The following DPYD variants were observed in gnomAD, a reference collection of about 807,000 sequenced individuals.
DPYD encodes dihydropyrimidine dehydrogenase.
DPYD carries 109 observed loss-of-function variants against 116.2 expected under a neutral mutation model. The observed-to-expected ratio is 0.94, with a 90% confidence interval of 0.80 to 1.10. DPYD has a LOEUF of 1.10. Among genes scored for constraint, DPYD ranks in the 50% least tolerant of loss-of-function variants. The probability of loss-of-function intolerance (pLI) is 0.00; values close to 1 mark genes in which losing one functional copy is unlikely to be tolerated. For missense variants in DPYD, 1,302 were observed against 1,254.5 expected (o/e 1.04, Z -0.57); for synonymous variants, 440 against 432.0 (o/e 1.02, Z -0.23).
At chr1:97,181,394 T>C (rs975533608) in intron 20 of DPYD, among the ~76,000 whole-genome samples, 6 of 152,158 alleles carry the variant, frequency 3.9e-5, no homozygotes, top group Admixed American at 2.6e-4. Context: ...GCAACAGCAG[T>C]AGACACCTCC....
At chr1:97,132,166 T>C (rs893747169) in intron 20 of DPYD, among the ~76,000 whole-genome samples, 1 of 152,216 alleles carries the variant, frequency 6.6e-6, no homozygotes, top group African/African-American at 2.4e-5. Flanking sequence ...CTCATCAGAC[T>C]TTCCTACATC....
At chr1:97,692,632 G>A (rs907268578) in intron 6 of DPYD, among the ~76,000 whole-genome samples, 1 of 152,292 alleles carries the variant, frequency 6.6e-6, no homozygotes, top group African/African-American at 2.4e-5. Flanking sequence ...CAGTGTTTAC[G>A]AAGTGCCAGC....
At chr1:97,222,531 A>G (rs919927219) in intron 19 of DPYD, among the ~76,000 whole-genome samples, 1 of 152,148 alleles carries the variant, frequency 6.6e-6, no homozygotes, top group Non-Finnish European at 1.5e-5. Context: ...CTCTTTGCTT[A>G]TAAACAACAT....
rs550826058 is a variant in DPYD, at chr1:97,884,138, C to T, written c.40-764G>A. ...CTCTCAAACAGCTTACATTAATAGA[C>T]TAATATGGGGCAAAATATAAATCGA... is the stretch of plus-strand genomic sequence containing the variant. On this transcript the variant is annotated intron_variant, in intron 1 of 22. Transcript: ENST00000370192. Among the ~76,000 whole-genome samples the T allele has an allele frequency of 4.5e-4, 68 of 151,956 alleles. 1 individual carries two copies. The Middle Eastern group carries it at 0.01, about 23-fold the overall frequency.
intron 18 of DPYD, among the ~76,000 whole-genome samples, chr1:97,274,751 C>T (rs1270626962): frequency 6.6e-6 from 1 of 152,148 alleles, no homozygotes; most frequent in African/African-American, 2.4e-5. Flanking sequence ...TGTTCTATTA[C>T]ACAGGAAGTT....
chr1:97,733,191 T>A (rs1212809494), intron 4 of DPYD, among the ~76,000 whole-genome samples: 1 of 152,076 alleles, frequency 6.6e-6, no homozygotes, highest in Non-Finnish European at 1.5e-5. Flanking sequence ...TCTCACTCCT[T>A]ATACCACAAT....
chr1:97,889,670 T>C (rs1040660913), intron 1 of DPYD, among the ~76,000 whole-genome samples: 12 of 152,054 alleles, frequency 7.9e-5, no homozygotes, highest in African/African-American at 2.7e-4. Context: ...AAGACTTCAA[T>C]ACTCCACATT....
chr1:97,330,906 A>C (rs1668954636), intron 16 of DPYD, among the ~76,000 whole-genome samples: 1 of 152,362 alleles, frequency 6.6e-6, no homozygotes, highest in East Asian at 1.9e-4. Flanking sequence ...ATATTGGTAC[A>C]TGAAAGACAC....
intron 21 of DPYD, among the ~76,000 whole-genome samples, chr1:97,089,250 T>G (rs1649729549): frequency 6.6e-6 from 1 of 152,154 alleles, no homozygotes. Flanking sequence ...GAATGAGAAT[T>G]CATTCTCATA....
chr1:97,883,506 G>A, intron 1 of DPYD, 132 bp from the exon 2 acceptor site: 1 of 708,668 alleles, frequency 1.4e-6, no homozygotes, highest in East Asian at 2.8e-5. Flanking sequence ...GAGTGCAGTG[G>A]TACAATCTCA....
chr1:97,519,081 A>G (rs977203310), intron 12 of DPYD, among the ~76,000 whole-genome samples: 4 of 152,174 alleles, frequency 2.6e-5, no homozygotes, highest in African/African-American at 9.6e-5. Context: ...TTCAATAATA[A>G]ATACAAGTTA....
At chr1:97,100,698 T>C (rs1322169821) in intron 20 of DPYD, among the ~76,000 whole-genome samples, 4 of 152,132 alleles carry the variant, frequency 2.6e-5, no homozygotes, top group African/African-American at 9.6e-5. Flanking sequence ...GAGGATAGTA[T>C]ATTTTTTCAT....
At chr1:97,457,069 GGATA>G (rs1190653404) in intron 13 of DPYD, among the ~76,000 whole-genome samples, 2 of 152,096 alleles carry the variant, frequency 1.3e-5, no homozygotes, top group East Asian at 1.9e-4. Context: ...CTGATGGAAT[GGATA>G]GATACTCTAC....
At position 97,835,620 on chromosome 1, in the gene DPYD, T is replaced by G. The variant is rs59190735; in HGVS notation, c.151-7424A>C. Among the ~76,000 whole-genome samples the G allele has an allele frequency of 1.0e-2, 1,516 of 152,194 alleles. 32 individuals carry two copies. The highest frequency in any genetic ancestry group is 0.034 in the African/African-American group (1,426 of 41,548). On this transcript the variant is annotated intron_variant, in intron 2 of 22. Coordinates refer to ENST00000370192, the MANE Select transcript of DPYD (RefSeq NM_000110.4). ...AAGTTCAGGATAAAGTATTTGCTTTTTAATCATAATTTCATATTTAAAATT... is the reference window on the plus strand; with the variant it reads ...AAGTTCAGGATAAAGTATTTGCTTTGTAATCATAATTTCATATTTAAAATT...
At chr1:97,746,411 G>A (rs1407889073) in intron 3 of DPYD, among the ~76,000 whole-genome samples, 2 of 151,998 alleles carry the variant, frequency 1.3e-5, no homozygotes, top group Non-Finnish European at 2.9e-5. Flanking sequence ...AGTACTTTGT[G>A]CTGTCTCACA....
At chr1:97,230,196 C>A (rs1661491081) in intron 19 of DPYD, among the ~76,000 whole-genome samples, 1 of 152,154 alleles carries the variant, frequency 6.6e-6, no homozygotes, top group Non-Finnish European at 1.5e-5. Flanking sequence ...ATGTTCACTG[C>A]AGCACTATTC....
chr1:97,423,437 A>T (rs1674689522), intron 14 of DPYD, among the ~76,000 whole-genome samples: 1 of 152,086 alleles, frequency 6.6e-6, no homozygotes, highest in Non-Finnish European at 1.5e-5. Context: ...ACCTGATATT[A>T]TCCTAAAGAA....
At chr1:97,820,541 A>G (rs535935715) in intron 3 of DPYD, among the ~76,000 whole-genome samples, 3 of 152,344 alleles carry the variant, frequency 2.0e-5, no homozygotes, top group African/African-American at 7.2e-5. Flanking sequence ...CTATACTTTT[A>G]TATTTAACTC....
intron 3 of DPYD, among the ~76,000 whole-genome samples, chr1:97,803,736 A>G (rs946905094): frequency 1.3e-5 from 2 of 151,906 alleles, no homozygotes; most frequent in African/African-American, 4.8e-5. Flanking sequence ...TATATAAAGC[A>G]GTCTTGAAAT....
Sources: allele counts gnomAD v4.1 joint callset (sites outside exome capture counted in the v4.1 genomes callset), GRCh38; gene constraint gnomAD v4.1.1; transcripts MANE v1.5; gene names NCBI Gene and HGNC (gene_info 2026-07-23, HGNC 2026-07-21).